GRIK5: variants seen among roughly 807,000 people sequenced by gnomAD.
GRIK5 encodes the protein glutamate ionotropic receptor kainate type subunit 5, also known as glutamate receptor ionotropic, kainate 5.
A neutral mutation model predicts 97.4 loss-of-function variants in GRIK5; 43 were observed. The ratio of observed to expected loss-of-function variants is 0.44; its 90% CI spans 0.35 to 0.57. The LOEUF is 0.57. Ranked by LOEUF, GRIK5 falls within the 20% of genes least tolerant of loss-of-function variation. GRIK5 has a pLI of 0.01. For missense variants in GRIK5, 1,015 were observed against 1,382.0 expected (o/e 0.73, Z 4.21); for synonymous variants, 580 against 583.5 (o/e 0.99, Z 0.09).
At chr19:42,058,590 G>C (rs2076217863) in intron 6 of GRIK5, among the ~76,000 whole-genome samples, 1 of 150,700 alleles carries the variant, frequency 6.6e-6, no homozygotes, top group African/African-American at 2.4e-5. Flanking sequence ...CACTTTGGGA[G>C]GCTGAGGCAG....
At chr19:42,038,831 CTA>C (rs1359782496) in intron 12 of GRIK5, among the ~76,000 whole-genome samples, 6 of 152,214 alleles carry the variant, frequency 3.9e-5, no homozygotes, top group Admixed American at 3.9e-4. Flanking sequence ...ACGGTGGTGA[CTA>C]TTCCTGTGCA....
rs1555871242 is a variant in GRIK5, at chr19:42,002,524, G to A, written c.2514+808C>T. On this transcript the variant is annotated intron_variant, in intron 19 of 19. Transcript: ENST00000593562. The surrounding 1 kb of genome is among the most constrained non-coding windows in gnomAD (Gnocchi z 5.2). ...TGGGCCAAGTGCAGAACACTGGCAG[G>A]CAGCTGGATGCAGAGCTGGGGTCTG... 1.4e-6 allele frequency: 1 copy of A among 703,188 alleles called. No individual in the cohort carries two copies. The highest frequency in any genetic ancestry group is 2.7e-6 in the Non-Finnish European group (1 of 376,690). The allele number at this position is 703,188 out of a possible 1,614,324, so 43.6% of individuals were successfully genotyped here. A position where few individuals can be genotyped will look rare whatever the true frequency, so the allele number is the denominator to read the frequency against.
intron 11 of GRIK5, among the ~76,000 whole-genome samples, chr19:42,045,030 T>A (rs897118969): frequency 2.6e-5 from 4 of 152,224 alleles, no homozygotes; most frequent in African/African-American, 9.6e-5. Context: ...TTCCTTATGG[T>A]GACCTTACAC....
chr19:41,998,988 C>A lies in GRIK5; in HGVS notation c.2826G>T (p.Leu942=). 8.3e-7 allele frequency: 1 copy of A among 1,207,402 alleles called. No homozygotes were observed. Among genetic ancestry groups the A allele is most frequent in the Non-Finnish European group, 1.0e-6 (1 of 965,228 alleles). The allele number at this position is 1,207,402 out of a possible 1,614,324, so 74.8% of individuals were successfully genotyped here. ...GAGGCGCGCCGGCCCCCGAGGCCCG[C>A]AGCGCCTGGATGCGCCGGCACTCCT... is the stretch of plus-strand genomic sequence containing the variant. ...VCQECRRIQA[L]RASGAGAPPR... is the part of the protein sequence containing the mutation. Residue 942 remains leucine (L), a synonymous_variant, in exon 20 of 20, where the codon CTG becomes CTT. Transcript: ENST00000593562.
At position 42,031,610 on chromosome 19, in the gene GRIK5, T is replaced by C. The variant is rs371251728; in HGVS notation, c.1474-9256A>G. On this transcript the variant is annotated intron_variant, in intron 12 of 19. Coordinates refer to ENST00000593562, the MANE Select transcript of GRIK5 (RefSeq NM_002088.5). ...GTCAAAGCAGGAAAAATCAAAATGATATGCCATCCATGAAAATGACAGGGA... is the reference window on the plus strand; with the variant it reads ...GTCAAAGCAGGAAAAATCAAAATGACATGCCATCCATGAAAATGACAGGGA... Among the ~76,000 whole-genome samples the C allele has an allele frequency of 4.3e-4, 66 of 152,136 alleles. 1 individual carries two copies. The South Asian group carries it at 0.012, about 28-fold the overall frequency.
chr19:42,023,974 G>A (rs947671361), intron 12 of GRIK5, among the ~76,000 whole-genome samples: 2 of 152,206 alleles, frequency 1.3e-5, no homozygotes, highest in African/African-American at 4.8e-5. Flanking sequence ...GGGCTCAGCT[G>A]CCCTGCCAGC....
intron 19 of GRIK5, among the ~76,000 whole-genome samples, chr19:42,001,118 C>T (rs1555870810): frequency 6.6e-6 from 1 of 152,180 alleles, no homozygotes; most frequent in African/African-American, 2.4e-5. Context: ...GGGCCAGGTA[C>T]CAGATAAGTA....
intron 11 of GRIK5, among the ~76,000 whole-genome samples, chr19:42,049,616 G>A (rs2076086863): frequency 6.6e-6 from 1 of 152,160 alleles, no homozygotes; most frequent in Non-Finnish European, 1.5e-5. Context: ...GTTAGCCTTG[G>A]AGGGTTAGTG....
intron 11 of GRIK5, among the ~76,000 whole-genome samples, chr19:42,052,257 C>T (rs1445808124): frequency 6.6e-6 from 1 of 152,120 alleles, no homozygotes; most frequent in Non-Finnish European, 1.5e-5. Context: ...GCTCTCCTGA[C>T]CTCCCCTCCC....
chr19:42,043,027 C>G, intron 11 of GRIK5: 2 of 526,868 alleles, frequency 3.8e-6, no homozygotes, highest in Non-Finnish European at 6.7e-6. Context: ...GTGCCAAGCT[C>G]AAATGCGTAT....
At chr19:42,063,898 A>G (rs1298040696) in intron 3 of GRIK5, among the ~76,000 whole-genome samples, 2 of 152,036 alleles carry the variant, frequency 1.3e-5, no homozygotes, top group Admixed American at 1.3e-4. Context: ...GGTTTCTGCC[A>G]CCTCTAACTA....
At chr19:42,031,572 G>A (rs1468135732) in intron 12 of GRIK5, among the ~76,000 whole-genome samples, 3 of 152,166 alleles carry the variant, frequency 2.0e-5, no homozygotes, top group Non-Finnish European at 2.9e-5. Context: ...AAGTCCCACT[G>A]TGTGGTCTAC....
chr19:42,034,869 A>C, intron 12 of GRIK5, among the ~76,000 whole-genome samples: 1 of 117,788 alleles, frequency 8.5e-6, no homozygotes, highest in South Asian at 3.4e-4. Flanking sequence ...GGGGGGCGGG[A>C]AGGAGGGGAC....
At chr19:42,001,606 T>C (rs2075423994) in intron 19 of GRIK5, among the ~76,000 whole-genome samples, 1 of 152,146 alleles carries the variant, frequency 6.6e-6, no homozygotes, top group Admixed American at 6.6e-5. Context: ...ATGGGGACAT[T>C]TGGGACAGTG....
Position 42,006,045 on chromosome 19 carries a change from A to T in GRIK5, c.2038-97T>A. ...TCCTCCAGGAAGTCTCCCTCAACCC[A>T]GGAGAATGCAAGGTGATCAAAGGAA... is the stretch of plus-strand genomic sequence containing the variant. On this transcript the variant is annotated intron_variant, in intron 16 of 19. Transcript: ENST00000593562. This position sits in a 1 kb window ranked among gnomAD's most constrained non-coding sequence, Gnocchi z 5.3. 1 of 693,108 alleles carries T rather than the reference A, an allele frequency of 1.4e-6. No individual in the cohort carries two copies. The highest frequency in any genetic ancestry group is 1.6e-5 in the South Asian group (1 of 60,674). The allele number at this position is 693,108 out of a possible 1,614,324, so 42.9% of individuals were successfully genotyped here.
chr19:42,021,575 G>T lies in GRIK5; in HGVS notation c.1698-101C>A. The T allele has an allele frequency of 1.0e-6, 1 of 1,004,248 alleles. No individual in the cohort carries two copies. 62.2% of individuals were successfully genotyped at this position (1,004,248 alleles called of 1,614,324 possible). A position where few individuals can be genotyped will look rare whatever the true frequency, so the allele number is the denominator to read the frequency against. ...TCACAGTGATCAGAAGAAAGGGGGA[G>T]AGATGGAAAAAGGAGCAAGATGGAC... On this transcript the variant is annotated intron_variant, in intron 14 of 19. Transcript: ENST00000593562. This position sits in a 1 kb window ranked among gnomAD's most constrained non-coding sequence, Gnocchi z 4.2.
intron 10 of GRIK5, 38 bp downstream of exon 10, chr19:42,053,787 C>G (rs202231372): frequency 1.9e-6 from 3 of 1,567,352 alleles, no homozygotes; most frequent in Non-Finnish European, 2.6e-6. Flanking sequence ...CCCACCCTCA[C>G]CCCAGCAGGG....
intron 11 of GRIK5, among the ~76,000 whole-genome samples, chr19:42,046,616 C>T (rs887298648): frequency 1.3e-5 from 2 of 152,132 alleles, no homozygotes; most frequent in African/African-American, 4.8e-5. Context: ...AAAAGAATCC[C>T]AGGCAACCAC....
chr19:42,024,710 G>T (rs1224309575), intron 12 of GRIK5, among the ~76,000 whole-genome samples: 2 of 152,068 alleles, frequency 1.3e-5, no homozygotes, highest in Non-Finnish European at 2.9e-5. Context: ...GCAGCCGACG[G>T]CTCCCCCACC....
Sources: gnomAD v4.1 joint callset for allele counts (sites outside exome capture counted in the v4.1 genomes callset) on GRCh38, gnomAD v4.1.1 for gene constraint, Gnocchi (gnomAD v3.1) non-coding constraint, MANE v1.5 for transcripts, NCBI Gene and HGNC (gene_info 2026-07-23, HGNC 2026-07-21) for gene names.